The following DMRT1 variants were observed in gnomAD, a reference collection of about 807,000 sequenced individuals.
The protein encoded by DMRT1 is doublesex- and mab-3-related transcription factor 1.
A neutral mutation model predicts 32.3 loss-of-function variants in DMRT1; 7 were observed. That is an observed-to-expected ratio of 0.22 (90% CI 0.12 to 0.41). DMRT1 has a LOEUF of 0.41. Ranked by LOEUF, DMRT1 falls within the 10% of genes least tolerant of loss-of-function variation. The probability of loss-of-function intolerance (pLI) is 1.00; values close to 1 mark genes in which losing one functional copy is unlikely to be tolerated. For missense variants in DMRT1, 625 were observed against 500.5 expected, an observed-to-expected ratio of 1.25 and a Z score of -2.37; for synonymous variants, 278 against 206.1, an observed-to-expected ratio of 1.35 and a Z score of -2.99.
At position 908,817 on chromosome 9, in the gene DMRT1, C is replaced by T. The variant is rs1309023322; in HGVS notation, c.823-7946C>T. 2.6e-5 allele frequency among the ~76,000 whole-genome samples: 4 copies of T among 152,098 alleles called. No individual in the cohort carries two copies. In the East Asian group the frequency reaches 7.7e-4, roughly 29 times the overall value. ...TGTTGTGTGAGCGTCCTCCTCTCCA[C>T]TCCTCCCCCGTTTTCCCCTCCCACC... On this transcript the variant is annotated intron_variant, in intron 3 of 4. Transcript: ENST00000382276.
chr9:935,578 C>T (rs1051944395), intron 4 of DMRT1, among the ~76,000 whole-genome samples: 5 of 152,198 alleles, frequency 3.3e-5, no homozygotes, highest in African/African-American at 1.2e-4. Context: ...ATACCAGTCT[C>T]GCAGTGCCTT....
intron 4 of DMRT1, among the ~76,000 whole-genome samples, chr9:938,748 G>T (rs10977645): frequency 0.075 from 11,396 of 152,128 alleles, 568 homozygotes; most frequent in South Asian, 0.17. Context: ...TAGTCTATTT[G>T]CTCTGACTAG....
intron 4 of DMRT1, among the ~76,000 whole-genome samples, chr9:920,103 A>G (rs895556987): frequency 6.6e-6 from 1 of 152,150 alleles, no homozygotes; most frequent in South Asian, 2.1e-4. Flanking sequence ...GAACCACCCA[A>G]GTGGATTGTT....
chr9:953,549 C>G (rs1006213272), intron 4 of DMRT1, among the ~76,000 whole-genome samples: 3 of 152,230 alleles, frequency 2.0e-5, no homozygotes, highest in Admixed American at 2.0e-4. Context: ...ATTCTTCTCT[C>G]TCGCCTGCAG....
chr9:873,774 A>G (rs1381099617), intron 2 of DMRT1, among the ~76,000 whole-genome samples: 1 of 152,198 alleles, frequency 6.6e-6, no homozygotes, highest in East Asian at 1.9e-4. Flanking sequence ...AATACCTTTT[A>G]AGTATTGTAT....
rs1469651131 is a variant in DMRT1, at chr9:923,150, G to A, written c.967+6243G>A. Reference sequence around the variant, plus strand: ...TCAGGGAGTGGACTTGCTTAATGCTGCATGTCAGACTTGGACTTTTAGGAA... The same window carrying A: ...TCAGGGAGTGGACTTGCTTAATGCTACATGTCAGACTTGGACTTTTAGGAA... On this transcript the variant is annotated intron_variant, in intron 4 of 4. Coordinates refer to ENST00000382276, the MANE Select transcript of DMRT1 (RefSeq NM_021951.3). 2.6e-5 allele frequency among the ~76,000 whole-genome samples: 4 copies of A among 152,286 alleles called. No individual in the cohort carries two copies. The East Asian group carries it at 5.8e-4, about 22-fold the overall frequency.
At chr9:857,992 T>C (rs1815476515) in intron 2 of DMRT1, among the ~76,000 whole-genome samples, 1 of 152,066 alleles carries the variant, frequency 6.6e-6, no homozygotes, top group Admixed American at 6.6e-5. Flanking sequence ...TTCCATGGTG[T>C]ATATGTGCCA....
intron 2 of DMRT1, among the ~76,000 whole-genome samples, chr9:872,541 C>G (rs562836318): frequency 8.6e-5 from 13 of 152,010 alleles, no homozygotes; most frequent in Non-Finnish European, 1.9e-4. Context: ...ATAGGTTTGC[C>G]TATTCCAGAC....
At chr9:959,871 C>T (rs1819716419) in intron 4 of DMRT1, among the ~76,000 whole-genome samples, 1 of 152,190 alleles carries the variant, frequency 6.6e-6, no homozygotes, top group South Asian at 2.1e-4. Flanking sequence ...CCAGTGCATG[C>T]ATGGGTTAGT....
chr9:941,333 C>CT (rs1819062280), intron 4 of DMRT1, among the ~76,000 whole-genome samples: 1 of 117,676 alleles, frequency 8.5e-6, no homozygotes, highest in African/African-American at 4.6e-5. Flanking sequence ...ACCCCCTCCC[C>CT]CCCCCCACAC....
At chr9:881,870 G>A (rs993093163) in intron 2 of DMRT1, among the ~76,000 whole-genome samples, 2 of 152,172 alleles carry the variant, frequency 1.3e-5, no homozygotes, top group South Asian at 2.1e-4. Context: ...CCTCCAATCC[G>A]CTGGGAGGTG....
intron 2 of DMRT1, among the ~76,000 whole-genome samples, chr9:854,910 C>G (rs923885236): frequency 6.7e-6 from 1 of 149,898 alleles, no homozygotes; most frequent in Non-Finnish European, 1.5e-5. Context: ...GGACTACAGG[C>G]GCCCGCCGCC....
At chr9:906,503 C>T (rs1185014397) in intron 3 of DMRT1, among the ~76,000 whole-genome samples, 1 of 152,098 alleles carries the variant, frequency 6.6e-6, no homozygotes, top group African/African-American at 2.4e-5. Context: ...ATGTCGCAGC[C>T]CTGGAGATTG....
chr9:949,749 A>T (rs568945753), intron 4 of DMRT1, among the ~76,000 whole-genome samples: 64 of 152,278 alleles, frequency 4.2e-4, no homozygotes, highest in African/African-American at 1.5e-3. Context: ...TGTAGCCACC[A>T]TTCTACTCTG....
At chr9:875,234 T>A (rs925376303) in intron 2 of DMRT1, among the ~76,000 whole-genome samples, 13 of 152,198 alleles carry the variant, frequency 8.5e-5, no homozygotes, top group African/African-American at 3.1e-4. Flanking sequence ...ACCAGTATTG[T>A]TTCCGTGGTG....
At chr9:874,963 A>G (rs1013400653) in intron 2 of DMRT1, among the ~76,000 whole-genome samples, 6 of 151,628 alleles carry the variant, frequency 4.0e-5, no homozygotes, top group African/African-American at 1.5e-4. Flanking sequence ...GCCCGCCACC[A>G]CGCCCGGCAA....
intron 3 of DMRT1, among the ~76,000 whole-genome samples, chr9:898,829 T>TC (rs1564234471): frequency 6.6e-6 from 1 of 152,218 alleles, no homozygotes; most frequent in Non-Finnish European, 1.5e-5. Flanking sequence ...GGATGTAAAC[T>TC]CTCTTTTTCT....
intron 4 of DMRT1, among the ~76,000 whole-genome samples, chr9:921,478 G>A (rs568601822): frequency 6.6e-6 from 1 of 152,252 alleles, no homozygotes; most frequent in East Asian, 1.9e-4. Flanking sequence ...TTGTTTGAAT[G>A]TCTGATTTCA....
intron 2 of DMRT1, among the ~76,000 whole-genome samples, chr9:873,954 T>G (rs934044869): frequency 1.3e-5 from 2 of 152,216 alleles, no homozygotes; most frequent in Non-Finnish European, 2.9e-5. Flanking sequence ...ATATTTAACT[T>G]GGAAGTGGAA....
Sources: gnomAD v4.1 joint callset for allele counts (sites outside exome capture counted in the v4.1 genomes callset) on GRCh38, gnomAD v4.1.1 for gene constraint, MANE v1.5 for transcripts, NCBI Gene and HGNC (gene_info 2026-07-23, HGNC 2026-07-21) for gene names.